The following THADA variants were observed in gnomAD, a reference collection of about 807,000 sequenced individuals.
THADA encodes the protein tRNA (32-2'-O)-methyltransferase regulator THADA.
A neutral mutation model predicts 219.8 loss-of-function variants in THADA; 213 were observed. The ratio of observed to expected loss-of-function variants is 0.97; its 90% confidence interval spans 0.87 to 1.09. The LOEUF is 1.09. THADA is among the 50% of genes least tolerant of loss of function. THADA has a pLI of 0.00. For synonymous variants in THADA, 1,018 were observed against 828.9 expected (o/e 1.23, Z -3.92); for missense variants, 2,956 against 2,311.3 (o/e 1.28, Z -5.72).
chr2:43,507,176 C>T (rs1689781986), intron 23 of THADA, among the ~76,000 whole-genome samples: 1 of 152,090 alleles, frequency 6.6e-6, no homozygotes, highest in Non-Finnish European at 1.5e-5. Flanking sequence ...AAAATTTAGA[C>T]TTCATTCAAC....
intron 14 of THADA, among the ~76,000 whole-genome samples, chr2:43,569,124 A>G (rs1445099165): frequency 6.6e-6 from 1 of 152,060 alleles, no homozygotes; most frequent in Non-Finnish European, 1.5e-5. Context: ...GGTGCACACC[A>G]CCACGCCCGT....
chr2:43,442,371 G>A (rs1291223029), intron 26 of THADA, among the ~76,000 whole-genome samples: 1 of 152,138 alleles, frequency 6.6e-6, no homozygotes, highest in Non-Finnish European at 1.5e-5. Context: ...AGGAGGCGGA[G>A]GTTGCAGTGA....
chr2:43,538,208 A>G (rs1044753447), intron 21 of THADA, among the ~76,000 whole-genome samples: 1 of 152,218 alleles, frequency 6.6e-6, no homozygotes, highest in African/African-American at 2.4e-5. Flanking sequence ...CCAACAAAAT[A>G]TAACAAGCAA....
At chr2:43,280,458 C>G (rs1310891222) in intron 35 of THADA, among the ~76,000 whole-genome samples, 3 of 152,010 alleles carry the variant, frequency 2.0e-5, no homozygotes, top group Non-Finnish European at 4.4e-5. Context: ...ATGGTGAAAC[C>G]CCGTCTCTAC....
chr2:43,345,717 C>T (rs1667563936), intron 29 of THADA, among the ~76,000 whole-genome samples: 1 of 152,202 alleles, frequency 6.6e-6, no homozygotes, highest in Non-Finnish European at 1.5e-5. Flanking sequence ...CTTTTCTCTA[C>T]AGCTGCACAA....
At position 43,552,300 on chromosome 2, in the gene THADA, G is replaced by A; in HGVS notation, c.2714C>T (p.Ser905Phe). ...CLMENLEEEVSQAENSLLQAA... is the reference protein window; with the variant it reads ...CLMENLEEEVFQAENSLLQAA... ...CTGAAGCAGAGAATTTTCAGCCTGA[G>A]ATACTTCTTCCTCAAGATTTTCCAT... The change falls in exon 18 of 38, where the codon TCT becomes TTT. Residue 905 changes from serine (S) to phenylalanine (F), a missense_variant. By Grantham distance (155) the Ser-to-Phe change is radical. Transcript: ENST00000405975. The A allele has an allele frequency of 6.2e-7, 1 of 1,605,992 alleles. No individual in the cohort carries two copies. The highest frequency in any genetic ancestry group is 2.2e-5 in the East Asian group (1 of 44,712).
Position 43,327,334 on chromosome 2 carries a change from A to G in THADA, c.4344-6794T>C, listed in dbSNP as rs540247495. The stretch of plus-strand genomic sequence containing the variant: ...AGAAGCTTCTTGTCATGGAGCCAGC[A>G]CTGGAGTTAATGAAGCAATATCCTA... On this transcript the variant is annotated intron_variant, in intron 30 of 37. Transcript: ENST00000405975. 1.3e-5 allele frequency among the ~76,000 whole-genome samples: 2 copies of G among 152,258 alleles called. 1 individual carries two copies. The highest frequency in any genetic ancestry group is 4.1e-4 in the South Asian group (2 of 4,820).
chr2:43,463,092 ACAC>A (rs1683824984), intron 26 of THADA: 1 of 152,256 alleles, frequency 6.6e-6, no homozygotes, highest in African/African-American at 2.4e-5. Flanking sequence ...TCTGGGGTGA[ACAC>A]CACAACATCT....
intron 26 of THADA, among the ~76,000 whole-genome samples, chr2:43,434,957 G>A (rs1349403382): frequency 6.6e-6 from 1 of 152,162 alleles, no homozygotes; most frequent in African/African-American, 2.4e-5. Context: ...ACACTGCTGT[G>A]GAGTGGGAGC....
intron 29 of THADA, among the ~76,000 whole-genome samples, chr2:43,394,208 T>A (rs1206709044): frequency 1.3e-5 from 2 of 152,206 alleles, no homozygotes; most frequent in Non-Finnish European, 2.9e-5. Flanking sequence ...CTTATAACCA[T>A]CTCAACACAG....
intron 30 of THADA, among the ~76,000 whole-genome samples, chr2:43,334,730 G>A (rs1666201175): frequency 6.6e-6 from 1 of 151,520 alleles, no homozygotes; most frequent in South Asian, 2.1e-4. Context: ...AGCCGAGATC[G>A]CGCCACTGCA....
chr2:43,560,332 G>A lies in THADA; in HGVS notation c.2365C>T (p.Gln789Ter), dbSNP rs1323545596. The A allele has an allele frequency of 6.2e-7, 1 of 1,611,760 alleles. No homozygotes were observed. The highest frequency in any genetic ancestry group is 2.2e-5 in the East Asian group (1 of 44,736). Residue 789 changes from glutamine to a stop codon, truncating the protein, a stop_gained, in exon 16 of 38, where the codon CAA (glutamine) becomes TAA (stop). Coordinates refer to ENST00000405975, the MANE Select transcript of THADA (RefSeq NM_022065.5). LOFTEE classifies it high-confidence loss of function. ...CTGGTAAAACATTCCATTAGTGTTT[G>A]GAAACGACCAACATCAATATCATGA... The part of the protein sequence containing the change: ...LSHDIDVGRF[Q>*]TLMECFTSTF...
intron 37 of THADA, among the ~76,000 whole-genome samples, chr2:43,232,039 C>T (rs1667486814): frequency 6.6e-6 from 1 of 152,154 alleles, no homozygotes; most frequent in African/African-American, 2.4e-5. Flanking sequence ...AGGAAGTTCC[C>T]AGCAAAGATC....
chr2:43,551,797 G>T lies in THADA; in HGVS notation c.2939C>A (p.Thr980Asn). 2 of 1,612,932 alleles carry T rather than the reference G, an allele frequency of 1.2e-6. No homozygotes were observed. The highest frequency in any genetic ancestry group is 3.3e-4 in the Middle Eastern group (2 of 6,046). Residue 980 changes from threonine (T) to asparagine (N), a missense_variant, in exon 19 of 38, where the codon ACT becomes AAT. Physicochemically the swap from Thr to Asn is moderately conservative, Grantham distance 65 (BLOSUM62 0). Coordinates refer to ENST00000405975, the MANE Select transcript of THADA (RefSeq NM_022065.5). ...CTTCTTCATTTGCTAACCTGAATCAGTGTCCATTGGGATGAGGCCTTCAGG... is the reference window on the plus strand; with the variant it reads ...CTTCTTCATTTGCTAACCTGAATCATTGTCCATTGGGATGAGGCCTTCAGG... The part of the protein sequence containing the change: ...SSPEGLIPMD[T>N]DSESASRLQM...
At chr2:43,307,348 T>G (rs1308496612) in intron 31 of THADA, among the ~76,000 whole-genome samples, 1 of 151,764 alleles carries the variant, frequency 6.6e-6, no homozygotes, top group African/African-American at 2.4e-5. Context: ...AGAACAAATC[T>G]GTATAGTGAG....
intron 26 of THADA, among the ~76,000 whole-genome samples, chr2:43,447,650 C>G (rs1681747836): frequency 6.6e-6 from 1 of 152,150 alleles, no homozygotes; most frequent in Non-Finnish European, 1.5e-5. Context: ...AGTCAAGGAA[C>G]CCAGGGAAAA....
chr2:43,334,811 T>C (rs900779784), intron 30 of THADA, among the ~76,000 whole-genome samples: 2 of 151,874 alleles, frequency 1.3e-5, no homozygotes, highest in Middle Eastern at 3.4e-3. Context: ...ACTGGTCCCA[T>C]ACAGGGCACT....
intron 36 of THADA, among the ~76,000 whole-genome samples, chr2:43,257,882 T>C (rs1047277236): frequency 6.6e-6 from 1 of 152,084 alleles, no homozygotes; most frequent in East Asian, 1.9e-4. Flanking sequence ...AGTCACAGAC[T>C]AAAAGAGAAA....
At chr2:43,571,986 C>T (rs1232046009) in intron 12 of THADA, 124 bp from the exon 13 acceptor site, 1 of 791,670 alleles carries the variant, frequency 1.3e-6, no homozygotes, top group South Asian at 2.0e-5. Context: ...CCAATAGGTA[C>T]CTCAGAAAGG....
Sources: gnomAD v4.1 joint callset for allele counts (sites outside exome capture counted in the v4.1 genomes callset) on GRCh38, gnomAD v4.1.1 for gene constraint, MANE v1.5 for transcripts, NCBI Gene and HGNC (gene_info 2026-07-23, HGNC 2026-07-21) for gene names.